The following EXD2 variants were observed in gnomAD, a reference collection of about 807,000 sequenced individuals.
EXD2 encodes the protein exonuclease 3'-5' domain-containing protein 2.
Under a neutral mutation model 62.5 loss-of-function variants are expected in EXD2, and 40 were observed. The observed-to-expected ratio is 0.64, with a 90% CI of 0.50 to 0.83. The LOEUF is 0.83. Among genes scored for constraint, EXD2 ranks in the 40% least tolerant of loss-of-function variants. The pLI is 0.00. For missense variants in EXD2, 671 were observed against 761.8 expected (o/e 0.88, Z 1.40); for synonymous variants, 239 against 291.9 (o/e 0.82, Z 1.85).
Position 69,225,134 on chromosome 14 carries a change from G to A in EXD2, c.334-3682G>A, listed in dbSNP as rs2043315620. Among the ~76,000 whole-genome samples the A allele has an allele frequency of 1.3e-5, 2 of 152,118 alleles. 1 individual carries two copies. The highest frequency in any genetic ancestry group is 4.1e-4 in the South Asian group (2 of 4,830). The stretch of plus-strand genomic sequence containing the variant: ...ACATTGGGCCTTAGTTCTGTTGCCT[G>A]AACAGGGTAAACTCATTCCTATCTC... On this transcript the variant is annotated intron_variant, in intron 3 of 9. Coordinates refer to ENST00000685843, the MANE Select transcript of EXD2 (RefSeq NM_001193360.2).
intron 3 of EXD2, among the ~76,000 whole-genome samples, chr14:69,223,093 AAAT>A (rs1376897287): frequency 4.6e-5 from 7 of 152,222 alleles, no homozygotes; most frequent in African/African-American, 4.8e-5. Context: ...TGGAGACCAA[AAAT>A]AATATTATAA....
intron 1 of EXD2, 82 bp from the exon 2 acceptor site, chr14:69,203,835 A>G (rs957083495): frequency 6.6e-6 from 1 of 152,234 alleles, no homozygotes; most frequent in Non-Finnish European, 1.5e-5. Context: ...CTAATGTTCT[A>G]GCCAATATAC....
chr14:69,241,320 C>T lies in EXD2; in HGVS notation c.*220C>T. 1 of 511,636 alleles carries T rather than the reference C, an allele frequency of 2.0e-6. No individual in the cohort carries two copies. The highest frequency in any genetic ancestry group is 3.5e-6 in the Non-Finnish European group (1 of 289,328). The allele number at this position is 511,636 out of a possible 1,614,324, so 31.7% of individuals were successfully genotyped here. On this transcript the variant is annotated 3_prime_UTR_variant, in exon 10 of 10. Coordinates refer to ENST00000685843, the MANE Select transcript of EXD2 (RefSeq NM_001193360.2). ...AAACGGGCAGGGTCTTTTTTCCTCT[C>T]ATTTTTGTGGACAAGAGAGGCCTTC...
At chr14:69,201,672 G>GTTTTTTGTTTTTTTTTTT (rs2042402768) in intron 1 of EXD2, among the ~76,000 whole-genome samples, 20 of 59,022 alleles carry the variant, frequency 3.4e-4, no homozygotes, top group African/African-American at 1.4e-3. Flanking sequence ...TGTTTTCTCT[G>GTTTTTTGTTTTTTTTTTT]TTTTTTTTTT....
At chr14:69,230,374 T>C in intron 4 of EXD2, 98 bp from the exon 5 acceptor site, 1 of 670,502 alleles carries the variant, frequency 1.5e-6, no homozygotes, top group Non-Finnish European at 2.5e-6. Context: ...AGATTCAGTA[T>C]GTTATCTCTG....
In EXD2 at chr14:69,242,772, G is replaced by A. The variant is rs1387705259; in HGVS notation, c.*1672G>A. On this transcript the variant is annotated 3_prime_UTR_variant, in exon 10 of 10. Transcript: ENST00000685843. Reference sequence around the variant, plus strand: ...GGTACTTGGGTTGTGGTAATAGTCAGGCTTGCCACAAGAGGGCACTCATAG... The same window carrying A: ...GGTACTTGGGTTGTGGTAATAGTCAAGCTTGCCACAAGAGGGCACTCATAG... The A allele has an allele frequency of 6.6e-6, 1 of 152,190 alleles. No individual in the cohort carries two copies. The highest frequency in any genetic ancestry group is 2.4e-5 in the African/African-American group (1 of 41,446). The allele number at this position is 152,190 out of a possible 1,614,324, so 9.4% of individuals were successfully genotyped here.
In EXD2 at chr14:69,243,490, C is replaced by T. The variant is rs1051794528; in HGVS notation, c.*2390C>T. 1.3e-5 allele frequency: 2 copies of T among 152,202 alleles called. No individual in the cohort carries two copies. Among genetic ancestry groups the T allele is most frequent in the Admixed American group, 6.5e-5 (1 of 15,282 alleles). The allele number at this position is 152,202 out of a possible 1,614,324, so 9.4% of individuals were successfully genotyped here. ...CCTCTCACTGATTAACATGGTATCA[C>T]GAGTAACTTCCTATGTTTTTAAATC... On this transcript the variant is annotated 3_prime_UTR_variant, in exon 10 of 10. Transcript: ENST00000685843.
chr14:69,226,781 T>G (rs956012587), intron 3 of EXD2, among the ~76,000 whole-genome samples: 28 of 152,076 alleles, frequency 1.8e-4, no homozygotes, highest in African/African-American at 5.8e-4. Context: ...CAGTTTTTTT[T>G]TTTTTTTTTT....
intron 2 of EXD2, among the ~76,000 whole-genome samples, chr14:69,204,886 A>G (rs529577595): frequency 2.0e-5 from 3 of 152,356 alleles, no homozygotes; most frequent in South Asian, 2.1e-4. Context: ...ACTGAGTATC[A>G]TCAGCTCCCT....
intron 3 of EXD2, among the ~76,000 whole-genome samples, chr14:69,223,542 A>G (rs1303025137): frequency 6.6e-6 from 1 of 152,230 alleles, no homozygotes; most frequent in East Asian, 1.9e-4. Context: ...GCAGGAAATA[A>G]CAGCATGCTA....
chr14:69,206,227 T>C (rs578211052), intron 2 of EXD2, among the ~76,000 whole-genome samples: 1 of 151,572 alleles, frequency 6.6e-6, no homozygotes, highest in African/African-American at 2.4e-5. Flanking sequence ...AGCTGAGGAA[T>C]TTTCCTCTTT....
intron 1 of EXD2, among the ~76,000 whole-genome samples, chr14:69,200,615 G>A (rs2042363981): frequency 6.6e-6 from 1 of 151,774 alleles, no homozygotes; most frequent in African/African-American, 2.4e-5. Context: ...AGGCTAAGAT[G>A]GGAGGATGGC....
intron 1 of EXD2, among the ~76,000 whole-genome samples, chr14:69,194,944 C>T (rs546482326): frequency 3.3e-5 from 5 of 152,182 alleles, no homozygotes; most frequent in Non-Finnish European, 7.4e-5. Context: ...GGGAGCCGGG[C>T]GCGGTGGCTT....
intron 3 of EXD2, among the ~76,000 whole-genome samples, chr14:69,227,244 A>T (rs1159813757): frequency 1.3e-5 from 2 of 152,168 alleles, no homozygotes; most frequent in Non-Finnish European, 1.5e-5. Flanking sequence ...GATATTGCCA[A>T]ATGTCTCTTG....
intron 8 of EXD2, among the ~76,000 whole-genome samples, chr14:69,236,931 T>C (rs1489703315): frequency 1.3e-5 from 2 of 152,234 alleles, no homozygotes; most frequent in East Asian, 3.8e-4. Flanking sequence ...AAGCCTGCTC[T>C]GTGTTGTAAT....
chr14:69,220,039 A>C (rs939095820), intron 3 of EXD2, among the ~76,000 whole-genome samples: 2 of 151,808 alleles, frequency 1.3e-5, no homozygotes, highest in Non-Finnish European at 2.9e-5. Context: ...TTAAATCATG[A>C]ATGGTTGGTG....
chr14:69,226,574 C>A (rs751984332), intron 3 of EXD2, among the ~76,000 whole-genome samples: 2 of 152,066 alleles, frequency 1.3e-5, no homozygotes, highest in Non-Finnish European at 2.9e-5. Flanking sequence ...ATGGTGAAAC[C>A]CTGTCTCTAC....
chr14:69,238,931 A>G (rs952451246), intron 9 of EXD2, among the ~76,000 whole-genome samples: 5 of 152,134 alleles, frequency 3.3e-5, no homozygotes, highest in African/African-American at 4.8e-5. Context: ...CCTGGCCCCA[A>G]ATCATTTTGA....
At chr14:69,228,767 C>A (rs762599946) in intron 3 of EXD2, 49 bp from the exon 4 acceptor site, 1 of 1,565,558 alleles carries the variant, frequency 6.4e-7, no homozygotes. Context: ...ATGTTATGCT[C>A]GCTGCTGTGC....
Sources: allele counts gnomAD v4.1 joint callset (sites outside exome capture counted in the v4.1 genomes callset), GRCh38; gene constraint gnomAD v4.1.1; transcripts MANE v1.5; gene names NCBI Gene and HGNC (gene_info 2026-07-23, HGNC 2026-07-21).